The following CAMKMT variants were observed in gnomAD, a reference collection of about 807,000 sequenced individuals.
CAMKMT encodes CaM KMT.
A neutral mutation model predicts 48.0 loss-of-function variants in CAMKMT; 53 were observed. The observed-to-expected ratio is 1.10, with a 90% CI of 0.89 to 1.39. The LOEUF (loss-of-function observed/expected upper bound fraction) is 1.39, where lower values mean the gene tolerates loss of function less well. Ranked by LOEUF, CAMKMT falls within the 40% of genes most tolerant of loss-of-function variation. CAMKMT has a pLI of 0.00. For synonymous variants in CAMKMT, 165 were observed against 152.3 expected, an observed-to-expected ratio of 1.08 and a Z score of -0.61; for missense variants, 428 against 402.7, an observed-to-expected ratio of 1.06 and a Z score of -0.54.
intron 7 of CAMKMT, among the ~76,000 whole-genome samples, chr2:44,727,204 T>C (rs1454724464): frequency 1.3e-5 from 2 of 152,244 alleles, no homozygotes; most frequent in African/African-American, 4.8e-5. Context: ...GTAAATTGCT[T>C]TGGGCAGTAT....
chr2:44,527,796 C>A (rs1451017753), intron 3 of CAMKMT, among the ~76,000 whole-genome samples: 2 of 134,970 alleles, frequency 1.5e-5, no homozygotes, highest in South Asian at 2.8e-4. Flanking sequence ...CCCCCCCCCC[C>A]ATTATCAATA....
chr2:44,618,639 G>A lies in CAMKMT; in HGVS notation c.377-85644G>A, dbSNP rs1572930565. ...TGGATCCTGTCAGGAGCAAGTTGAT[G>A]ACTTAATAGTCTTTCTTGAGTGGAT... On this transcript the variant is annotated intron_variant, in intron 3 of 10. Transcript: ENST00000378494. The surrounding 1 kb of genome is among the most constrained non-coding windows in gnomAD (Gnocchi z 4.0). Among the ~76,000 whole-genome samples the A allele has an allele frequency of 6.6e-6, 1 of 152,170 alleles. No individual in the cohort carries two copies. Among genetic ancestry groups the A allele is most frequent in the African/African-American group, 2.4e-5 (1 of 41,452 alleles).
At chr2:44,497,182 A>G (rs1441488973) in intron 3 of CAMKMT, among the ~76,000 whole-genome samples, 1 of 152,214 alleles carries the variant, frequency 6.6e-6, no homozygotes, top group East Asian at 1.9e-4. Context: ...TTAGCTGATT[A>G]TTTTACCTCA....
chr2:44,488,372 C>T (rs753201543), intron 3 of CAMKMT, among the ~76,000 whole-genome samples: 6 of 152,056 alleles, frequency 3.9e-5, no homozygotes, highest in Admixed American at 1.3e-4. Flanking sequence ...AGTGTGGTGG[C>T]GCATGCCTGT....
At chr2:44,635,225 G>C (rs1226448864) in intron 3 of CAMKMT, among the ~76,000 whole-genome samples, 1 of 152,130 alleles carries the variant, frequency 6.6e-6, no homozygotes, top group African/African-American at 2.4e-5. Flanking sequence ...TCTAGATAAG[G>C]ATAGTATTTA....
intron 3 of CAMKMT, among the ~76,000 whole-genome samples, chr2:44,466,649 G>A (rs1478400813): frequency 6.6e-6 from 1 of 151,816 alleles, no homozygotes; most frequent in African/African-American, 2.4e-5. Context: ...GTAGAAGGAA[G>A]GATATAATAA....
At position 44,764,578 on chromosome 2, in the gene CAMKMT, A is replaced by C. The variant is rs180699294; in HGVS notation, c.763-1852A>C. Among the ~76,000 whole-genome samples the C allele has an allele frequency of 1.3e-3, 198 of 152,166 alleles. 2 individuals carry two copies. The highest frequency in any genetic ancestry group is 5.6e-3 in the South Asian group (27 of 4,810). ...ATTTCCAAGCTTCCCTCTAACTCAAAAGTTCTATGATTATTTTCTGATTGT... is the reference window on the plus strand; with the variant it reads ...ATTTCCAAGCTTCCCTCTAACTCAACAGTTCTATGATTATTTTCTGATTGT... On this transcript the variant is annotated intron_variant, in intron 9 of 10. Coordinates refer to ENST00000378494, the MANE Select transcript of CAMKMT (RefSeq NM_024766.5).
chr2:44,421,907 A>C (rs1406175980), intron 3 of CAMKMT, among the ~76,000 whole-genome samples: 1 of 152,216 alleles, frequency 6.6e-6, no homozygotes, highest in Non-Finnish European at 1.5e-5. Context: ...AATTCATTGG[A>C]TATCAAGCAA....
chr2:44,501,774 A>AGG (rs1670018412), intron 3 of CAMKMT, among the ~76,000 whole-genome samples: 1 of 152,168 alleles, frequency 6.6e-6, no homozygotes, highest in Non-Finnish European at 1.5e-5. Context: ...TCCCAGCAGG[A>AGG]GGCTGAGGCA....
chr2:44,382,883 A>G (rs935401563), intron 2 of CAMKMT, among the ~76,000 whole-genome samples: 1 of 152,226 alleles, frequency 6.6e-6, no homozygotes, highest in African/African-American at 2.4e-5. Context: ...GTTTACACGT[A>G]TTCTCTTACT....
At chr2:44,684,501 AC>A (rs895538800) in intron 3 of CAMKMT, among the ~76,000 whole-genome samples, 2 of 152,000 alleles carry the variant, frequency 1.3e-5, no homozygotes, top group Non-Finnish European at 2.9e-5. Flanking sequence ...AAAAAAAAAA[AC>A]CTAGACAGAA....
intron 3 of CAMKMT, among the ~76,000 whole-genome samples, chr2:44,526,283 G>C (rs987506917): frequency 6.6e-6 from 1 of 152,128 alleles, no homozygotes; most frequent in Non-Finnish European, 1.5e-5. Context: ...ATAATGCTAA[G>C]AGCATTCACT....
At chr2:44,621,740 C>G (rs1387762738) in intron 3 of CAMKMT, among the ~76,000 whole-genome samples, 1 of 152,110 alleles carries the variant, frequency 6.6e-6, no homozygotes, top group African/African-American at 2.4e-5. Flanking sequence ...ATTCTTAGTT[C>G]AGTGGAAAGC....
chr2:44,630,093 A>G (rs1308684005), intron 3 of CAMKMT, among the ~76,000 whole-genome samples: 5 of 151,778 alleles, frequency 3.3e-5, no homozygotes, highest in Admixed American at 1.3e-4. Context: ...ATAACACCAC[A>G]TATCTACAAC....
intron 7 of CAMKMT, among the ~76,000 whole-genome samples, chr2:44,738,712 TA>T (rs1362283951): frequency 6.6e-6 from 1 of 152,136 alleles, no homozygotes; most frequent in Non-Finnish European, 1.5e-5. Context: ...ACAAAATCAA[TA>T]ATTTAGTTAT....
At position 44,738,889 on chromosome 2, in the gene CAMKMT, G is replaced by A. The variant is rs78265853; in HGVS notation, c.624-4733G>A. On this transcript the variant is annotated intron_variant, in intron 7 of 10. Transcript: ENST00000378494. ...TACACAAAGACCTGAAGGAGGTGAC[G>A]GAGTGAGCTGTAGCTATAGAGATAT... Among the ~76,000 whole-genome samples, 27 of 152,308 alleles carry A rather than the reference G, an allele frequency of 1.8e-4. 1 individual carries two copies. The East Asian group carries it at 5.0e-3, about 28-fold the overall frequency.
chr2:44,503,914 T>C (rs886963822), intron 3 of CAMKMT, among the ~76,000 whole-genome samples: 18 of 151,894 alleles, frequency 1.2e-4, no homozygotes, highest in African/African-American at 4.1e-4. Flanking sequence ...CTTACATGGC[T>C]TTTCCTTGAT....
intron 3 of CAMKMT, among the ~76,000 whole-genome samples, chr2:44,594,757 G>A (rs1670550153): frequency 6.6e-6 from 1 of 152,170 alleles, no homozygotes; most frequent in Non-Finnish European, 1.5e-5. Flanking sequence ...CATGGGCAAA[G>A]ACTTTATGAC....
rs553746190 is a variant in CAMKMT, at chr2:44,753,310, C to G, written c.699-745C>G. The stretch of plus-strand genomic sequence containing the variant: ...GGCATGGTGGTGCACAACTGTAGTC[C>G]CAGCTACTTGGGAGGCTGGGGTGGG... On this transcript the variant is annotated intron_variant, in intron 8 of 10. Transcript: ENST00000378494. Among the ~76,000 whole-genome samples, 3 of 149,272 alleles carry G rather than the reference C, an allele frequency of 2.0e-5. No individual in the cohort carries two copies. In the East Asian group the frequency reaches 5.9e-4, roughly 29 times the overall value.
Sources: gnomAD v4.1 joint callset for allele counts (sites outside exome capture counted in the v4.1 genomes callset) on GRCh38, gnomAD v4.1.1 for gene constraint, Gnocchi (gnomAD v3.1) non-coding constraint, MANE v1.5 for transcripts, NCBI Gene and HGNC (gene_info 2026-07-23, HGNC 2026-07-21) for gene names.